Variants in GAPVD1 observed in about 807,000 individuals in gnomAD.
The protein encoded by GAPVD1 is GTPase activating protein and VPS9 domains 1, also known as GTPase-activating protein and VPS9 domain-containing protein 1.
A neutral mutation model predicts 155.5 loss-of-function variants in GAPVD1; 35 were observed. The observed-to-expected ratio is 0.23, with a 90% CI of 0.17 to 0.30. GAPVD1 has a LOEUF of 0.30. GAPVD1 is among the 10% of genes least tolerant of loss of function. The probability of loss-of-function intolerance (pLI) is 1.00; values close to 1 mark genes in which losing one functional copy is unlikely to be tolerated. For synonymous variants in GAPVD1, 636 were observed against 619.7 expected, an observed-to-expected ratio of 1.03 and a Z score of -0.39; for missense variants, 1,429 against 1,775.7, an observed-to-expected ratio of 0.80 and a Z score of 3.51.
At chr9:125,279,186 G>A (rs1359916189) in intron 2 of GAPVD1, among the ~76,000 whole-genome samples, 1 of 150,094 alleles carries the variant, frequency 6.7e-6, no homozygotes, top group Admixed American at 6.6e-5. Context: ...CACTCGTCTG[G>A]GAGACAGAAC....
At chr9:125,263,868 G>C in intron 1 of GAPVD1, 1 of 1,369,144 alleles carries the variant, frequency 7.3e-7, no homozygotes, top group Non-Finnish European at 1.0e-6. Context: ...AGGTAATCCC[G>C]GAGATACTGG....
intron 5 of GAPVD1, among the ~76,000 whole-genome samples, chr9:125,303,103 C>T (rs1381690716): frequency 7.2e-5 from 11 of 152,110 alleles, no homozygotes; most frequent in Non-Finnish European, 1.0e-4. Context: ...CAGCTCACTG[C>T]AACCTCCGCC....
At chr9:125,295,206 A>T (rs1839648206) in intron 2 of GAPVD1, among the ~76,000 whole-genome samples, 1 of 152,034 alleles carries the variant, frequency 6.6e-6, no homozygotes, top group East Asian at 1.9e-4. Flanking sequence ...TTTGATGGTC[A>T]TGTTATTGTT....
rs943443070 is a variant in GAPVD1, at chr9:125,309,611, A to G, written c.1441+1731A>G. Among the ~76,000 whole-genome samples the G allele has an allele frequency of 4.6e-4, 70 of 152,204 alleles. 1 individual carries two copies. Among genetic ancestry groups the G allele is most frequent in the Admixed American group, 4.1e-3 (63 of 15,278 alleles). On this transcript the variant is annotated intron_variant, in intron 8 of 27. Transcript: ENST00000297933. ...CGGCCTCCCAAAGGGCTGGGATTAC[A>G]GGTGTGAGCCACCGTGCCCGGGCAC...
chr9:125,298,547 G>A (rs1840262239), intron 3 of GAPVD1, among the ~76,000 whole-genome samples: 2 of 127,008 alleles, frequency 1.6e-5, no homozygotes, highest in African/African-American at 6.1e-5. Context: ...GGGGTGCAGT[G>A]ATGCAATCTC....
rs1036237678 is a variant in GAPVD1, at chr9:125,321,397, C to T, written c.1603-36C>T. The T allele has an allele frequency of 7.1e-6, 11 of 1,542,010 alleles. No homozygotes were observed. The African/African-American group carries it at 1.2e-4, about 17-fold the overall frequency. ...GTTTGTTTCCTTATCAGTAATCTTT[C>T]CATTGATAAACCAAAATTGACATTT... is the stretch of plus-strand genomic sequence containing the variant. On this transcript the variant is annotated intron_variant, in intron 9 of 27. Transcript: ENST00000297933.
intron 15 of GAPVD1, chr9:125,335,260 G>T: frequency 7.0e-6 from 5 of 712,224 alleles, no homozygotes; most frequent in Non-Finnish European, 1.3e-5. Flanking sequence ...CTAGTAAGCT[G>T]TACATTAAAA....
intron 2 of GAPVD1, among the ~76,000 whole-genome samples, chr9:125,277,952 G>A (rs1456481483): frequency 1.3e-5 from 2 of 152,070 alleles, no homozygotes; most frequent in African/African-American, 4.8e-5. Context: ...ATAAGCGTGA[G>A]CCACTGTACC....
chr9:125,317,725 A>G (rs1242432270), intron 9 of GAPVD1, among the ~76,000 whole-genome samples: 1 of 151,426 alleles, frequency 6.6e-6, no homozygotes, highest in African/African-American at 2.4e-5. Flanking sequence ...TTTTTTTTTT[A>G]ATATACTTAA....
chr9:125,325,177 A>G (rs1264329597), intron 11 of GAPVD1, among the ~76,000 whole-genome samples: 1 of 151,436 alleles, frequency 6.6e-6, no homozygotes, highest in East Asian at 1.9e-4. Flanking sequence ...GTGAGCTGAG[A>G]TCGCACCACT....
In GAPVD1 at chr9:125,334,262, C is replaced by T. The variant is rs1316366668; in HGVS notation, c.2428+1633C>T. On this transcript the variant is annotated intron_variant, in intron 15 of 27. Transcript: ENST00000297933. ...CAAGGGCACCACACTGTATTCTTCA[C>T]TCACAGTTAAAAAAAAAAAAAAAAA... Among the ~76,000 whole-genome samples, 4 of 143,336 alleles carry T rather than the reference C, an allele frequency of 2.8e-5. No individual in the cohort carries two copies. In the East Asian group the frequency reaches 8.1e-4, roughly 29 times the overall value. The allele number at this position is 143,336 out of a possible 152,430, so 94.0% of individuals were successfully genotyped here. A position where few individuals can be genotyped will look rare whatever the true frequency, so the allele number is the denominator to read the frequency against.
intron 10 of GAPVD1, among the ~76,000 whole-genome samples, chr9:125,322,471 CATGTA>C (rs923209198): frequency 1.3e-5 from 2 of 152,168 alleles, no homozygotes; most frequent in Admixed American, 6.5e-5. Flanking sequence ...AAAAAAATGA[CATGTA>C]ATGTATGTTC....
chr9:125,272,218 T>C (rs2131853915), intron 2 of GAPVD1, among the ~76,000 whole-genome samples: 1 of 152,194 alleles, frequency 6.6e-6, no homozygotes, highest in African/African-American at 2.4e-5. Context: ...GAGAAGGGGT[T>C]TCACCATCTT....
chr9:125,347,619 T>C (rs1249102222), intron 20 of GAPVD1, among the ~76,000 whole-genome samples: 1 of 151,910 alleles, frequency 6.6e-6, no homozygotes, highest in African/African-American at 2.4e-5. Context: ...CCTCAGATGG[T>C]TGAGGCATAA....
chr9:125,298,092 A>G (rs1252081020), intron 3 of GAPVD1, among the ~76,000 whole-genome samples: 2 of 152,168 alleles, frequency 1.3e-5, no homozygotes, highest in African/African-American at 2.4e-5. Context: ...AACAGACTCT[A>G]GAAGTACAAG....
intron 6 of GAPVD1, among the ~76,000 whole-genome samples, chr9:125,305,812 C>A (rs753609490): frequency 6.6e-6 from 1 of 151,982 alleles, no homozygotes; most frequent in African/African-American, 2.4e-5. Flanking sequence ...CACCACCATG[C>A]CCGGCTAAGT....
chr9:125,359,723 C>T (rs1168675260), intron 26 of GAPVD1: 2 of 482,730 alleles, frequency 4.1e-6, no homozygotes, highest in East Asian at 7.1e-5. Context: ...CTTGATGCCA[C>T]TTCTCAAGTC....
intron 11 of GAPVD1, 82 bp downstream of exon 11, chr9:125,324,005 G>T: frequency 2.3e-6 from 3 of 1,277,478 alleles, no homozygotes; most frequent in Non-Finnish European, 3.3e-6. Flanking sequence ...TCATTAAGTT[G>T]GCTTGGTTCA....
chr9:125,315,981 A>T (rs565270973), intron 9 of GAPVD1, among the ~76,000 whole-genome samples: 4 of 152,284 alleles, frequency 2.6e-5, no homozygotes, highest in South Asian at 4.1e-4. Flanking sequence ...ATCTTCAAAG[A>T]CTTGGAAATG....
Sources: gnomAD v4.1 joint callset for allele counts (sites outside exome capture counted in the v4.1 genomes callset) on GRCh38, gnomAD v4.1.1 for gene constraint, MANE v1.5 for transcripts, NCBI Gene and HGNC (gene_info 2026-07-23, HGNC 2026-07-21) for gene names.